The following XRN2 variants were observed in gnomAD, a reference collection of about 807,000 sequenced individuals.
XRN2 encodes the protein 5'-3' exoribonuclease 2.
Under a neutral mutation model 138.5 loss-of-function variants are expected in XRN2, and 44 were observed. The ratio of observed to expected loss-of-function variants is 0.32; its 90% CI spans 0.25 to 0.41. XRN2 has a LOEUF of 0.41. Ranked by LOEUF, XRN2 falls within the 10% of genes least tolerant of loss-of-function variation. XRN2 has a pLI of 1.00. For missense variants in XRN2, 937 were observed against 1,169.3 expected, an observed-to-expected ratio of 0.80 and a Z score of 2.90; for synonymous variants, 354 against 369.4, an observed-to-expected ratio of 0.96 and a Z score of 0.48.
At chr20:21,318,674 G>A (rs1458013062) in intron 1 of XRN2, among the ~76,000 whole-genome samples, 1 of 151,904 alleles carries the variant, frequency 6.6e-6, no homozygotes, top group African/African-American at 2.4e-5. Context: ...TCCCAAAGTA[G>A]TTTCTGGTTT....
At chr20:21,357,908 G>A (rs1220367443) in intron 24 of XRN2, 116 bp downstream of exon 24, 4 of 750,422 alleles carry the variant, frequency 5.3e-6, no homozygotes, top group African/African-American at 1.8e-5. Context: ...CCAATGCTTC[G>A]AGATTGGAGA....
intron 24 of XRN2, among the ~76,000 whole-genome samples, chr20:21,364,550 T>C (rs1220221186): frequency 6.6e-6 from 1 of 152,156 alleles, no homozygotes; most frequent in Non-Finnish European, 1.5e-5. Context: ...CTCATGTCTG[T>C]AATCCCATCA....
chr20:21,313,084 C>T (rs903540121), intron 1 of XRN2, among the ~76,000 whole-genome samples: 29 of 152,306 alleles, frequency 1.9e-4, no homozygotes, highest in African/African-American at 6.5e-4. Context: ...GACTGAAGCT[C>T]GACTGCTGCG....
intron 27 of XRN2, among the ~76,000 whole-genome samples, chr20:21,374,813 A>G (rs2038800179): frequency 6.6e-6 from 1 of 151,880 alleles, no homozygotes; most frequent in South Asian, 2.1e-4. Context: ...ACAAATTAGA[A>G]AATATTTTCT....
intron 21 of XRN2, among the ~76,000 whole-genome samples, chr20:21,355,599 T>G (rs554312215): frequency 1.3e-5 from 2 of 152,100 alleles, no homozygotes; most frequent in East Asian, 1.9e-4. Context: ...TTTCAGTGGG[T>G]TTTTTTTCCT....
intron 19 of XRN2, 142 bp from the exon 20 acceptor site, chr20:21,349,247 C>A (rs1464482542): frequency 4.7e-6 from 3 of 640,762 alleles, no homozygotes; most frequent in African/African-American, 1.9e-5. Flanking sequence ...GATTAATGAC[C>A]TAATGTCTCT....
chr20:21,317,945 T>A (rs1219634640), intron 1 of XRN2, among the ~76,000 whole-genome samples: 2 of 152,232 alleles, frequency 1.3e-5, no homozygotes, highest in African/African-American at 4.8e-5. Context: ...ATTGGTCATA[T>A]TGGCCCAATA....
chr20:21,334,450 T>G (rs1309685171), intron 13 of XRN2, among the ~76,000 whole-genome samples: 1 of 152,222 alleles, frequency 6.6e-6, no homozygotes, highest in Non-Finnish European at 1.5e-5. Context: ...AACACATTTC[T>G]AATCAATAGG....
chr20:21,388,017 G>T (rs531527489), intron 29 of XRN2, among the ~76,000 whole-genome samples: 2 of 152,262 alleles, frequency 1.3e-5, no homozygotes, highest in East Asian at 3.9e-4. Context: ...TTCAGCCCAG[G>T]ACCTCTAAAA....
At chr20:21,330,459 A>G in intron 4 of XRN2, 22 bp from the exon 5 acceptor site, 1 of 1,611,784 alleles carries the variant, frequency 6.2e-7, no homozygotes, top group Non-Finnish European at 8.5e-7. Context: ...GGGGAGAACA[A>G]AACGTTGCCT....
intron 14 of XRN2, 32 bp downstream of exon 14, chr20:21,339,120 A>G (rs779476399): frequency 4.5e-5 from 71 of 1,583,858 alleles, no homozygotes; most frequent in Non-Finnish European, 5.8e-5. Context: ...GAGATTGGCA[A>G]TAGCGTAATT....
chr20:21,386,759 T>A, intron 28 of XRN2, 109 bp from the exon 29 acceptor site: 2 of 1,378,690 alleles, frequency 1.5e-6, no homozygotes, highest in Non-Finnish European at 2.0e-6. Flanking sequence ...ATATGATAAA[T>A]CCAGGTAAAT....
intron 1 of XRN2, among the ~76,000 whole-genome samples, chr20:21,317,785 A>G (rs940058144): frequency 2.0e-5 from 3 of 152,202 alleles, no homozygotes; most frequent in Non-Finnish European, 2.9e-5. Context: ...TTTTTTCCTG[A>G]ATATTTTTGA....
chr20:21,331,584 T>C lies in XRN2; in HGVS notation c.600T>C (p.Ala200=). 1.2e-6 allele frequency: 2 copies of C among 1,612,530 alleles called. No homozygotes were observed. Among genetic ancestry groups the C allele is most frequent in the Non-Finnish European group, 8.5e-7 (1 of 1,179,750 alleles). ...NLTVILSDAS[A]PGEGEHKIMD... is the part of the protein sequence containing the mutation. ...AGGTTATTTTATCTGATGCTAGTGC[T>C]CCTGGTGAAGGAGAACATAAAATCA... Residue 200 remains alanine (A), a synonymous_variant, in exon 7 of 30, where the codon GCT becomes GCC. Transcript: ENST00000377191.
intron 28 of XRN2, among the ~76,000 whole-genome samples, chr20:21,382,630 G>A (rs1436797823): frequency 2.0e-5 from 3 of 152,176 alleles, no homozygotes; most frequent in East Asian, 1.9e-4. Flanking sequence ...ACGCAGAAGG[G>A]ACTCAGAAGA....
At chr20:21,318,593 A>G (rs568671906) in intron 1 of XRN2, among the ~76,000 whole-genome samples, 1 of 152,194 alleles carries the variant, frequency 6.6e-6, no homozygotes, top group South Asian at 2.1e-4. Context: ...TTGCAACTAT[A>G]AATTTCCATG....
intron 1 of XRN2, among the ~76,000 whole-genome samples, chr20:21,313,938 C>T (rs1175122641): frequency 6.6e-6 from 1 of 152,198 alleles, no homozygotes; most frequent in African/African-American, 2.4e-5. Context: ...ATATGATTTG[C>T]ATACAATAAA....
chr20:21,305,553 C>CTTTTTTTTTTTT (rs1180206108), intron 1 of XRN2, among the ~76,000 whole-genome samples: 1 of 19,840 alleles, frequency 5.0e-5, no homozygotes, highest in Non-Finnish European at 1.4e-4. Context: ...CATACGTGGC[C>CTTTTTTTTTTTT]TTTTTTTTTT....
At chr20:21,332,520 T>A in intron 9 of XRN2, 80 bp downstream of exon 9, 1 of 1,360,070 alleles carries the variant, frequency 7.4e-7, no homozygotes, top group East Asian at 2.5e-5. Context: ...AAAATATCAT[T>A]TCAACCATTT....
Sources: allele counts gnomAD v4.1 joint callset (sites outside exome capture counted in the v4.1 genomes callset), GRCh38; gene constraint gnomAD v4.1.1; transcripts MANE v1.5; gene names NCBI Gene and HGNC (gene_info 2026-07-23, HGNC 2026-07-21).